Variants in GABRB1 observed in about 807,000 individuals in gnomAD.
GABRB1 encodes gamma-aminobutyric acid type A receptor subunit beta1, also known as gamma-aminobutyric acid receptor subunit beta-1.
Under a neutral mutation model 51.6 loss-of-function variants are expected in GABRB1, and 17 were observed. That is an observed-to-expected ratio of 0.33 (90% CI 0.23 to 0.49). The LOEUF is 0.49. GABRB1 is among the 20% of genes least tolerant of loss of function. GABRB1 has a pLI of 0.99. For synonymous variants in GABRB1, 247 were observed against 218.9 expected, an observed-to-expected ratio of 1.13 and a Z score of -1.14; for missense variants, 410 against 600.6, an observed-to-expected ratio of 0.68 and a Z score of 3.32.
intron 5 of GABRB1, among the ~76,000 whole-genome samples, chr4:47,344,433 G>A (rs1375017228): frequency 6.6e-6 from 1 of 152,144 alleles, no homozygotes; most frequent in African/African-American, 2.4e-5. Flanking sequence ...TTCTGCTTTT[G>A]TAATGAAAAT....
chr4:47,007,817 G>A (rs1176302861), intron 1 of GABRB1, among the ~76,000 whole-genome samples: 7 of 145,200 alleles, frequency 4.8e-5, no homozygotes, highest in Admixed American at 3.7e-4. Context: ...TAGGACATTT[G>A]TATTCTAACA....
chr4:47,031,443 C>G (rs930996719), upstream of GABRB1: 1 of 581,622 alleles, frequency 1.7e-6, no homozygotes, highest in Non-Finnish European at 3.1e-6. Context: ...ACCCGGAGGA[C>G]ATGGAGCACC....
intron 4 of GABRB1, among the ~76,000 whole-genome samples, chr4:47,252,507 CT>C (rs34442754): frequency 5.8e-4 from 68 of 116,326 alleles, no homozygotes; most frequent in African/African-American, 8.8e-4. Context: ...TAGCAATTGC[CT>C]TTTTTTTTTT....
chr4:47,090,153 G>C (rs1016190681), intron 3 of GABRB1, among the ~76,000 whole-genome samples: 2 of 152,152 alleles, frequency 1.3e-5, no homozygotes, highest in Non-Finnish European at 2.9e-5. Context: ...TATATTACCT[G>C]CCTAAGGGCT....
intron 4 of GABRB1, among the ~76,000 whole-genome samples, chr4:47,248,469 T>G (rs1275090629): frequency 6.6e-6 from 1 of 151,926 alleles, no homozygotes; most frequent in African/African-American, 2.4e-5. Context: ...AGGATATTAT[T>G]TTTGGTTATG....
intron 3 of GABRB1, among the ~76,000 whole-genome samples, chr4:47,047,146 T>G (rs1055864302): frequency 6.6e-6 from 1 of 151,256 alleles, no homozygotes; most frequent in African/African-American, 2.4e-5. Context: ...GAACTTAAAA[T>G]AAAAGTTAAA....
At chr4:47,145,864 C>T (rs371484546) in intron 3 of GABRB1, among the ~76,000 whole-genome samples, 2 of 152,070 alleles carry the variant, frequency 1.3e-5, no homozygotes, top group Admixed American at 6.6e-5. Flanking sequence ...AGAAATTGCT[C>T]GAGGATTCTT....
chr4:47,039,038 T>C (rs982596406), intron 3 of GABRB1, among the ~76,000 whole-genome samples: 4 of 152,126 alleles, frequency 2.6e-5, no homozygotes, highest in African/African-American at 9.7e-5. Flanking sequence ...ACGTTAATAG[T>C]AGCATTTAAC....
intron 4 of GABRB1, among the ~76,000 whole-genome samples, chr4:47,177,519 C>T (rs1261650740): frequency 1.3e-5 from 2 of 152,056 alleles, no homozygotes; most frequent in Non-Finnish European, 1.5e-5. Context: ...TACTTGCTTA[C>T]CTTAGTGACC....
intron 8 of GABRB1, among the ~76,000 whole-genome samples, chr4:47,417,457 G>A (rs915258785): frequency 2.6e-5 from 4 of 151,768 alleles, no homozygotes; most frequent in Admixed American, 6.6e-5. Flanking sequence ...TCCTCCCCCC[G>A]AGAAAAGGTT....
chr4:47,406,583 C>T, intron 7 of GABRB1, 99 bp from the exon 8 acceptor site: 1 of 1,428,692 alleles, frequency 7.0e-7, no homozygotes, highest in East Asian at 2.3e-5. Flanking sequence ...CACTCAGGGG[C>T]ACCAATAAGG....
At chr4:47,334,389 C>T (rs1725612082) in intron 5 of GABRB1, among the ~76,000 whole-genome samples, 2 of 152,110 alleles carry the variant, frequency 1.3e-5, no homozygotes, top group African/African-American at 4.8e-5. Flanking sequence ...GCCCTTGAAT[C>T]AGAGAGTTTG....
In GABRB1 at chr4:47,141,948, C is replaced by T. The variant is rs1472511783; in HGVS notation, c.241-19301C>T. 5.3e-5 allele frequency among the ~76,000 whole-genome samples: 8 copies of T among 151,984 alleles called. No homozygotes were observed. The South Asian group carries it at 1.2e-3, about 24-fold the overall frequency. On this transcript the variant is annotated intron_variant, in intron 3 of 8. Transcript: ENST00000295454. The stretch of plus-strand genomic sequence containing the variant: ...CTGTTTTGTTTGCCTGGATTATGTA[C>T]TAATTCAGAAGATATTTCTTGAGAG...
intron 5 of GABRB1, among the ~76,000 whole-genome samples, chr4:47,390,046 G>A (rs933607580): frequency 2.0e-5 from 3 of 152,206 alleles, no homozygotes; most frequent in African/African-American, 7.2e-5. Flanking sequence ...CAACATTCAT[G>A]TTTGCAAACA....
intron 4 of GABRB1, among the ~76,000 whole-genome samples, chr4:47,217,158 A>C (rs959471828): frequency 1.3e-5 from 2 of 151,874 alleles, no homozygotes; most frequent in African/African-American, 4.8e-5. Flanking sequence ...ATACTTAAAG[A>C]ATTAAGACAT....
intron 3 of GABRB1, among the ~76,000 whole-genome samples, chr4:47,122,656 A>G (rs1359811261): frequency 6.6e-6 from 1 of 152,114 alleles, no homozygotes; most frequent in Non-Finnish European, 1.5e-5. Context: ...GCAGGAGCTA[A>G]TGTCTCTGAG....
chr4:46,997,235 A>G (rs779653111), intron 1 of GABRB1, among the ~76,000 whole-genome samples: 2 of 152,070 alleles, frequency 1.3e-5, no homozygotes, highest in Non-Finnish European at 2.9e-5. Context: ...GTTTTGATAT[A>G]AATATATAGC....
intron 3 of GABRB1, among the ~76,000 whole-genome samples, chr4:47,142,777 A>G (rs138761785): frequency 6.6e-6 from 1 of 152,048 alleles, no homozygotes; most frequent in Non-Finnish European, 1.5e-5. Flanking sequence ...AAGGAAAAAC[A>G]GACAAGATCA....
At chr4:47,200,837 C>G (rs146806481) in intron 4 of GABRB1, among the ~76,000 whole-genome samples, 224 of 152,272 alleles carry the variant, frequency 1.5e-3, no homozygotes, top group African/African-American at 5.1e-3. Context: ...TAACATCACT[C>G]ATTTGCATAA....
Sources: gnomAD v4.1 joint callset for allele counts (sites outside exome capture counted in the v4.1 genomes callset) on GRCh38, gnomAD v4.1.1 for gene constraint, MANE v1.5 for transcripts, NCBI Gene and HGNC (gene_info 2026-07-23, HGNC 2026-07-21) for gene names.